GRM8: variants seen among roughly 807,000 people sequenced by gnomAD.
GRM8 encodes metabotropic glutamate receptor 8.
In GRM8, 47 loss-of-function variants were observed where a neutral mutation model predicts 87.2. The observed-to-expected ratio is 0.54, with a 90% CI of 0.43 to 0.69. GRM8 has a LOEUF of 0.69. Among genes scored for constraint, GRM8 ranks in the 30% least tolerant of loss-of-function variants. The probability of loss-of-function intolerance (pLI) is 0.00; values close to 1 mark genes in which losing one functional copy is unlikely to be tolerated. For missense variants in GRM8, 1,019 were observed against 1,139.2 expected (o/e 0.89, Z 1.52); for synonymous variants, 396 against 404.5 (o/e 0.98, Z 0.25).
intron 7 of GRM8, among the ~76,000 whole-genome samples, chr7:126,647,332 TAG>T (rs1369965861): frequency 1.6e-5 from 1 of 63,240 alleles, no homozygotes; most frequent in Non-Finnish European, 4.1e-5. Context: ...GATAGATAGA[TAG>T]ATAGATAGAT....
rs557127656 is a variant in GRM8 at position 127,135,318 on chromosome 7, C to T, written c.511-28606G>A. Among the ~76,000 whole-genome samples the T allele has an allele frequency of 7.9e-5, 12 of 152,062 alleles. No homozygotes were observed. In the South Asian group the frequency reaches 2.5e-3, roughly 32 times the overall value. On this transcript the variant is annotated intron_variant, in intron 2 of 10. Coordinates refer to ENST00000339582, the MANE Select transcript of GRM8 (RefSeq NM_000845.3). ...AAACTAATTATAAATCTTTTTTTCA[C>T]TATTCACTAAAGCAGGTGTACAGAA...
chr7:126,756,650 C>A (rs1420834595), intron 7 of GRM8, among the ~76,000 whole-genome samples: 1 of 151,936 alleles, frequency 6.6e-6, no homozygotes, highest in Non-Finnish European at 1.5e-5. Context: ...CTGAAAGAGG[C>A]AAATCTGAAA....
intron 7 of GRM8, among the ~76,000 whole-genome samples, chr7:126,676,203 A>G (rs1806942236): frequency 6.6e-6 from 1 of 152,168 alleles, no homozygotes; most frequent in Non-Finnish European, 1.5e-5. Flanking sequence ...CTACAAGGAG[A>G]CTATCACATG....
intron 7 of GRM8, among the ~76,000 whole-genome samples, chr7:126,714,436 A>G (rs1313123180): frequency 6.6e-6 from 1 of 152,020 alleles, no homozygotes; most frequent in East Asian, 1.9e-4. Flanking sequence ...TTCTCTTATT[A>G]TCTCCATTTT....
intron 7 of GRM8, among the ~76,000 whole-genome samples, chr7:126,657,740 G>C (rs138955192): frequency 7.9e-5 from 12 of 152,354 alleles, no homozygotes; most frequent in Non-Finnish European, 1.8e-4. Flanking sequence ...TGTATGCTGG[G>C]AATGTACTTG....
At chr7:126,895,527 C>T (rs1253820440) in intron 6 of GRM8, among the ~76,000 whole-genome samples, 1 of 152,052 alleles carries the variant, frequency 6.6e-6, no homozygotes, top group Non-Finnish European at 1.5e-5. Context: ...TCTAGAAATG[C>T]TGTTAGACAT....
At chr7:127,064,711 T>G (rs1433401479) in intron 3 of GRM8, among the ~76,000 whole-genome samples, 1 of 152,058 alleles carries the variant, frequency 6.6e-6, no homozygotes, top group African/African-American at 2.4e-5. Flanking sequence ...GCAAAGGACA[T>G]GAACAGACAC....
At chr7:126,738,984 A>G (rs927711269) in intron 7 of GRM8, among the ~76,000 whole-genome samples, 4 of 151,984 alleles carry the variant, frequency 2.6e-5, no homozygotes, top group South Asian at 2.1e-4. Context: ...TGGAGCCTTC[A>G]GCAACGTGCA....
At chr7:127,206,065 G>A (rs1795894246) in intron 2 of GRM8, among the ~76,000 whole-genome samples, 1 of 152,212 alleles carries the variant, frequency 6.6e-6, no homozygotes, top group African/African-American at 2.4e-5. Context: ...AAGGACACCA[G>A]CACCAGAACC....
chr7:126,580,185 G>A (rs1001762495), intron 8 of GRM8, among the ~76,000 whole-genome samples: 7 of 152,086 alleles, frequency 4.6e-5, no homozygotes, highest in Admixed American at 1.3e-4. Context: ...GCTGGCATCA[G>A]GTTATTTCCT....
At chr7:126,693,826 A>T (rs1404692037) in intron 7 of GRM8, among the ~76,000 whole-genome samples, 1 of 152,022 alleles carries the variant, frequency 6.6e-6, no homozygotes, top group African/African-American at 2.4e-5. Context: ...TTCTTCTCAA[A>T]GTATTTTCTA....
intron 2 of GRM8, among the ~76,000 whole-genome samples, chr7:127,107,322 A>C (rs377189628): frequency 2.6e-4 from 40 of 152,344 alleles, no homozygotes; most frequent in African/African-American, 7.7e-4. Context: ...TCTCATAGAA[A>C]CATCATTCTA....
chr7:126,612,224 G>T (rs1017277674), intron 7 of GRM8, among the ~76,000 whole-genome samples: 3 of 152,082 alleles, frequency 2.0e-5, no homozygotes, highest in Admixed American at 2.0e-4. Context: ...TTGTGTTTGA[G>T]AGCCACTGTC....
chr7:126,515,389 A>T (rs946133787), intron 9 of GRM8, among the ~76,000 whole-genome samples: 1 of 152,130 alleles, frequency 6.6e-6, no homozygotes, highest in African/African-American at 2.4e-5. Flanking sequence ...GTCATGTCTA[A>T]AAACAGTAGA....
chr7:126,656,551 CA>C (rs10708824), intron 7 of GRM8, among the ~76,000 whole-genome samples: 106,166 of 151,884 alleles, frequency 0.7, 37,939 homozygotes, highest in African/African-American at 0.85. Context: ...CCTGTAATCC[CA>C]AGCTGCTCAG....
intron 2 of GRM8, chr7:127,229,346 G>C (rs961292660): frequency 6.6e-6 from 1 of 152,150 alleles, no homozygotes. Context: ...ATTTTTGTTA[G>C]AGACGAAAGC....
chr7:126,623,339 T>A (rs891993400), intron 7 of GRM8, among the ~76,000 whole-genome samples: 27 of 152,196 alleles, frequency 1.8e-4, no homozygotes, highest in Admixed American at 1.6e-3. Context: ...ATATACTTTA[T>A]GTAAACTAAC....
intron 3 of GRM8, among the ~76,000 whole-genome samples, chr7:127,103,290 A>G (rs892039964): frequency 6.6e-6 from 1 of 152,236 alleles, no homozygotes; most frequent in Non-Finnish European, 1.5e-5. Flanking sequence ...TGTCATCCCC[A>G]GTGATGGAGG....
chr7:126,477,083 T>C (rs574943888), intron 9 of GRM8, among the ~76,000 whole-genome samples: 65 of 152,162 alleles, frequency 4.3e-4, no homozygotes, highest in Non-Finnish European at 8.5e-4. Context: ...AATTCTAACA[T>C]ATGGTACAAC....
Sources: gnomAD v4.1 joint callset for allele counts (sites outside exome capture counted in the v4.1 genomes callset) on GRCh38, gnomAD v4.1.1 for gene constraint, MANE v1.5 for transcripts, NCBI Gene and HGNC (gene_info 2026-07-23, HGNC 2026-07-21) for gene names.